SCRG1: variants seen among roughly 807,000 people sequenced by gnomAD.
The protein encoded by SCRG1 is scrapie-responsive protein 1.
A neutral mutation model predicts 7.7 loss-of-function variants in SCRG1; 3 were observed. The observed-to-expected ratio is 0.39, with a 90% CI of 0.18 to 1.01. SCRG1 has a LOEUF of 1.01. SCRG1 is among the 50% of genes least tolerant of loss of function. The pLI is 0.36. For missense variants in SCRG1, 110 were observed against 117.2 expected (o/e 0.94, Z 0.28); for synonymous variants, 46 against 41.2 (o/e 1.12, Z -0.44).
At chr4:173,499,724 G>A in the SCRG1 span, among the ~76,000 whole-genome samples, 1 of 152,144 alleles carries the variant, frequency 6.6e-6, no homozygotes, top group Non-Finnish European at 1.5e-5. This position sits in a 1 kb window ranked among gnomAD's most constrained non-coding sequence, Gnocchi z 4.1. Context: ...CCTCCATGCA[G>A]CAGCCAACTG....
chr4:173,458,766 T>G, the SCRG1 span, among the ~76,000 whole-genome samples: 5 of 152,150 alleles, frequency 3.3e-5, no homozygotes, highest in African/African-American at 1.2e-4. Context: ...CAATAATACC[T>G]TGAACATAAA....
At chr4:173,476,363 A>AAAAAATATATATATAT in the SCRG1 span, among the ~76,000 whole-genome samples, 1 of 98,484 alleles carries the variant, frequency 1.0e-5, no homozygotes, top group Non-Finnish European at 2.3e-5. Flanking sequence ...GGAAAAAAAA[A>AAAAAATATATATATAT]ATATATATAT....
the SCRG1 span, among the ~76,000 whole-genome samples, chr4:173,434,703 C>T: frequency 4.6e-5 from 7 of 152,018 alleles, no homozygotes; most frequent in South Asian, 6.2e-4. Flanking sequence ...GTCGTGGTGA[C>T]GCCTGTAATT....
upstream of SCRG1, among the ~76,000 whole-genome samples, chr4:173,402,973 G>A (rs1009786664): frequency 2.5e-4 from 38 of 152,222 alleles, no homozygotes; most frequent in Admixed American, 2.5e-3. Context: ...AAAGAAACAA[G>A]CTATTTTACT....
the SCRG1 span, among the ~76,000 whole-genome samples, chr4:173,456,833 C>T: frequency 6.6e-6 from 1 of 152,134 alleles, no homozygotes; most frequent in African/African-American, 2.4e-5. Flanking sequence ...TGCTTGGTGT[C>T]CTAGAAGATA....
At chr4:173,412,925 T>C in the SCRG1 span, among the ~76,000 whole-genome samples, 1 of 152,160 alleles carries the variant, frequency 6.6e-6, no homozygotes, top group Non-Finnish European at 1.5e-5. Context: ...TTTTGAGTCC[T>C]AAAGGAAATA....
At chr4:173,483,387 T>TATATTATATCATGATATATATTAC in the SCRG1 span, among the ~76,000 whole-genome samples, 2 of 47,594 alleles carry the variant, frequency 4.2e-5, no homozygotes, top group African/African-American at 1.3e-4. Context: ...TTATATATTA[T>TATATTATATCATGATATATATTAC]ATATTATATC....
At chr4:173,407,390 C>T (rs886525922), upstream of SCRG1, among the ~76,000 whole-genome samples, 22 of 151,904 alleles carry the variant, frequency 1.4e-4, no homozygotes, top group Admixed American at 8.5e-4. Flanking sequence ...AAAAATTAGC[C>T]GCACATGGTG....
At chr4:173,485,233 A>C in the SCRG1 span, among the ~76,000 whole-genome samples, 1 of 34,612 alleles carries the variant, frequency 2.9e-5, no homozygotes, top group African/African-American at 7.8e-5. Flanking sequence ...TTTTTTTTTT[A>C]AAAAGGAATG....
At chr4:173,455,075 T>C in the SCRG1 span, among the ~76,000 whole-genome samples, 3 of 152,014 alleles carry the variant, frequency 2.0e-5, no homozygotes, top group Non-Finnish European at 2.9e-5. Context: ...AAGTGACACC[T>C]TAAATGTTCC....
chr4:173,448,987 A>G, the SCRG1 span, among the ~76,000 whole-genome samples: 132 of 152,336 alleles, frequency 8.7e-4, 3 homozygotes, highest in East Asian at 0.021. Context: ...AAAGAATGAG[A>G]TAGCATTTTG....
chr4:173,420,952 T>TATACTGA, the SCRG1 span, among the ~76,000 whole-genome samples: 76 of 152,266 alleles, frequency 5.0e-4, no homozygotes, highest in African/African-American at 1.8e-3. Flanking sequence ...ATAAAGCCTG[T>TATACTGA]TAATACCAGG....
At chr4:173,401,475 T>A (rs1739761084), upstream of SCRG1, among the ~76,000 whole-genome samples, 1 of 152,208 alleles carries the variant, frequency 6.6e-6, no homozygotes, top group Non-Finnish European at 1.5e-5. Context: ...TGTAGATGGA[T>A]CCTCTCTTTA....
At chr4:173,484,055 A>G in the SCRG1 span, among the ~76,000 whole-genome samples, 1 of 84,602 alleles carries the variant, frequency 1.2e-5, no homozygotes, top group African/African-American at 4.8e-5. Flanking sequence ...AATATAATAT[A>G]CATAATATAT....
chr4:173,465,121 T>C, the SCRG1 span, among the ~76,000 whole-genome samples: 5 of 152,316 alleles, frequency 3.3e-5, no homozygotes, highest in African/African-American at 1.2e-4. Context: ...CTGAAATGGG[T>C]ACAAACTTTC....
the SCRG1 span, among the ~76,000 whole-genome samples, chr4:173,453,518 T>A: frequency 2.0e-5 from 3 of 152,230 alleles, no homozygotes; most frequent in African/African-American, 7.2e-5. Context: ...TATAGCCTAT[T>A]GCTCCTAGGC....
the SCRG1 span, among the ~76,000 whole-genome samples, chr4:173,428,324 A>G: frequency 6.6e-6 from 1 of 152,224 alleles, no homozygotes; most frequent in African/African-American, 2.4e-5. Flanking sequence ...AACAAACAGC[A>G]TTGCTGGGGA....
At chr4:173,507,980 G>A in the SCRG1 span, among the ~76,000 whole-genome samples, 1 of 152,310 alleles carries the variant, frequency 6.6e-6, no homozygotes, top group East Asian at 1.9e-4. This position sits in a 1 kb window ranked among gnomAD's most constrained non-coding sequence, Gnocchi z 4.4. Flanking sequence ...GCTACTGGCC[G>A]AGGACTGCAG....
chr4:173,484,415 ATATATATTATATAT>A, the SCRG1 span, among the ~76,000 whole-genome samples: 1 of 71,406 alleles, frequency 1.4e-5, no homozygotes, highest in African/African-American at 5.9e-5. Flanking sequence ...TATACATATA[ATATATATTATATAT>A]TATATACATA....
Sources: allele counts gnomAD v4.1 joint callset (sites outside exome capture counted in the v4.1 genomes callset), GRCh38; gene constraint gnomAD v4.1.1; non-coding constraint Gnocchi (gnomAD v3.1); transcripts MANE v1.5; gene names NCBI Gene and HGNC (gene_info 2026-07-23, HGNC 2026-07-21).